SRPK2: variants seen among roughly 807,000 people sequenced by gnomAD.
The protein encoded by SRPK2 is SFRS protein kinase 2.
In SRPK2, 21 loss-of-function variants were observed where a neutral mutation model predicts 90.8. That is an observed-to-expected ratio of 0.23 (90% CI 0.16 to 0.33). The LOEUF (loss-of-function observed/expected upper bound fraction) is 0.33, where lower values mean the gene tolerates loss of function less well. Among genes scored for constraint, SRPK2 ranks in the 10% least tolerant of loss-of-function variants. SRPK2 has a pLI of 1.00. For missense variants in SRPK2, 620 were observed against 869.0 expected (o/e 0.71, Z 3.60); for synonymous variants, 288 against 311.1 (o/e 0.93, Z 0.78).
chr7:105,130,251 T>C lies in SRPK2; in HGVS notation c.1752+2540A>G, dbSNP rs553249693. Among the ~76,000 whole-genome samples, 3 of 152,262 alleles carry C rather than the reference T, an allele frequency of 2.0e-5. No individual in the cohort carries two copies. The East Asian group carries it at 5.8e-4, about 29-fold the overall frequency. ...AGAGTCTCTGTGAGATTTGATGCTA[T>C]TTATAAATCTCAAAGACAGCCGGGC... On this transcript the variant is annotated intron_variant, in intron 13 of 15. Coordinates refer to ENST00000393651, the MANE Select transcript of SRPK2 (RefSeq NM_182692.3).
chr7:105,233,091 AGAAGGAAGGAAGGAAGGAAGGAAG>A (rs60327841), intron 2 of SRPK2, among the ~76,000 whole-genome samples: 219 of 91,900 alleles, frequency 2.4e-3, no homozygotes, highest in East Asian at 0.012. Context: ...AAGGAAGGAA[AGAAGGAAGGAAGGAAGGAAGGAAG>A]GAAGGAAGGA....
chr7:105,389,211 C>T (rs1482150041), upstream of SRPK2: 11 of 1,186,840 alleles, frequency 9.3e-6, no homozygotes, highest in Non-Finnish European at 1.2e-5. Context: ...CCGCGGGACC[C>T]TCCCTCCCCG....
At chr7:105,279,941 A>G (rs547689027) in intron 2 of SRPK2, among the ~76,000 whole-genome samples, 3 of 152,344 alleles carry the variant, frequency 2.0e-5, no homozygotes, top group East Asian at 3.9e-4. Flanking sequence ...CTTTTCCTGC[A>G]TTATTCTTAA....
chr7:105,226,266 G>A lies in SRPK2; in HGVS notation c.72-22481C>T, dbSNP rs557376968. Among the ~76,000 whole-genome samples the A allele has an allele frequency of 4.0e-5, 6 of 151,000 alleles. No individual in the cohort carries two copies. The South Asian group carries it at 1.3e-3, about 32-fold the overall frequency. On this transcript the variant is annotated intron_variant, in intron 2 of 15. Coordinates refer to ENST00000393651, the MANE Select transcript of SRPK2 (RefSeq NM_182692.3). ...TGCTTGATTTTTTTTTTTAAAAAAC[G>A]CACTATATATGTGCTCAAGAAAGAA...
chr7:105,183,885 T>C (rs1793221895), intron 3 of SRPK2, among the ~76,000 whole-genome samples: 1 of 152,216 alleles, frequency 6.6e-6, no homozygotes, highest in Admixed American at 6.5e-5. Context: ...CAACTAAGTG[T>C]TCAACTTCGC....
intron 2 of SRPK2, among the ~76,000 whole-genome samples, chr7:105,320,063 C>G (rs549224108): frequency 6.6e-6 from 1 of 152,246 alleles, no homozygotes; most frequent in Admixed American, 6.5e-5. Context: ...TTCCACCAAT[C>G]CACTTTATTA....
At chr7:105,290,895 G>A (rs370740609) in intron 2 of SRPK2, among the ~76,000 whole-genome samples, 2,403 of 149,164 alleles carry the variant, frequency 0.016, 77 homozygotes, top group African/African-American at 0.056. Context: ...AAAATTGGCC[G>A]GGCGCGGTGG....
At chr7:105,389,482 C>T, upstream of SRPK2, 1 of 1,056,154 alleles carries the variant, frequency 9.5e-7, no homozygotes, top group Non-Finnish European at 1.2e-6. Context: ...TTCTCTCCCA[C>T]CTCTAAGTGC....
At chr7:105,125,860 T>C in intron 15 of SRPK2, 1 of 1,303,762 alleles carries the variant, frequency 7.7e-7, no homozygotes, top group South Asian at 1.2e-5. Flanking sequence ...AGTTCAATGA[T>C]CAATGCTATG....
chr7:105,259,641 CA>C (rs1312703408), intron 2 of SRPK2, among the ~76,000 whole-genome samples: 4 of 152,212 alleles, frequency 2.6e-5, no homozygotes, highest in African/African-American at 7.2e-5. Context: ...AACTATACTA[CA>C]AGGCTACAGT....
chr7:105,300,936 A>C (rs1284420655), intron 2 of SRPK2, among the ~76,000 whole-genome samples: 3 of 152,232 alleles, frequency 2.0e-5, no homozygotes, highest in Admixed American at 1.3e-4. Flanking sequence ...AAACTAGTTC[A>C]ACCGTCGTGG....
At chr7:105,193,153 T>C (rs763082190) in intron 3 of SRPK2, among the ~76,000 whole-genome samples, 16 of 152,202 alleles carry the variant, frequency 1.1e-4, no homozygotes, top group Non-Finnish European at 1.6e-4. Flanking sequence ...TGTTACCTTC[T>C]AATAATGTTT....
At chr7:105,302,312 T>C (rs117560166) in intron 2 of SRPK2, among the ~76,000 whole-genome samples, 176 of 152,370 alleles carry the variant, frequency 1.2e-3, no homozygotes, top group African/African-American at 4.1e-3. Context: ...CAGTTTAGTA[T>C]ACTTTATGAA....
At chr7:105,346,455 A>T (rs1488517421) in intron 2 of SRPK2, among the ~76,000 whole-genome samples, 2 of 152,126 alleles carry the variant, frequency 1.3e-5, no homozygotes, top group Non-Finnish European at 2.9e-5. Context: ...AGTCTCCAGC[A>T]CTGTCAAAAG....
At chr7:105,125,716 G>A (rs1801096820) in intron 15 of SRPK2, 13 of 669,482 alleles carry the variant, frequency 1.9e-5, no homozygotes, top group South Asian at 5.4e-5. Context: ...GCCCAATCAC[G>A]AATGCACAAT....
rs527759174 is a variant in SRPK2, at chr7:105,121,729, A to G, written c.1916-3707T>C. Among the ~76,000 whole-genome samples the G allele has an allele frequency of 2.6e-5, 4 of 152,388 alleles. No individual in the cohort carries two copies. The East Asian group carries it at 7.7e-4, about 29-fold the overall frequency. ...TCCTGCAGAGTAAAGGCTTTGTGAC[A>G]GCAACTGTACTGGCCAGTCCTGGAC... is the stretch of plus-strand genomic sequence containing the variant. On this transcript the variant is annotated intron_variant, in intron 15 of 15. Coordinates refer to ENST00000393651, the MANE Select transcript of SRPK2 (RefSeq NM_182692.3).
chr7:105,176,673 G>A (rs1225999064), intron 3 of SRPK2, among the ~76,000 whole-genome samples: 2 of 145,902 alleles, frequency 1.4e-5, no homozygotes, highest in Non-Finnish European at 3.0e-5. Flanking sequence ...ATATATAGAT[G>A]TATGCATGTG....
chr7:105,383,111 C>T (rs1216493231), intron 2 of SRPK2, among the ~76,000 whole-genome samples: 1 of 128,892 alleles, frequency 7.8e-6, no homozygotes, highest in African/African-American at 3.0e-5. Context: ...ATCGCCCAGG[C>T]TGGAGTGCAG....
At chr7:105,187,589 A>AT (rs987393439) in intron 3 of SRPK2, among the ~76,000 whole-genome samples, 8 of 152,200 alleles carry the variant, frequency 5.3e-5, no homozygotes, top group African/African-American at 1.9e-4. Context: ...AAATGCTATT[A>AT]TTAAATCCTT....
Sources: allele counts gnomAD v4.1 joint callset (sites outside exome capture counted in the v4.1 genomes callset), GRCh38; gene constraint gnomAD v4.1.1; transcripts MANE v1.5; gene names NCBI Gene and HGNC (gene_info 2026-07-23, HGNC 2026-07-21).